The following MEOX2 variants were observed in gnomAD, a reference collection of about 807,000 sequenced individuals.
MEOX2 encodes the protein homeobox protein MOX-2.
In MEOX2, 11 loss-of-function variants were observed where a neutral mutation model predicts 27.0. The observed-to-expected ratio is 0.41, with a 90% CI of 0.26 to 0.68. MEOX2 has a LOEUF of 0.68. MEOX2 is among the 30% of genes least tolerant of loss of function. The pLI is 0.33. For synonymous variants in MEOX2, 189 were observed against 155.4 expected (o/e 1.22, Z -1.61); for missense variants, 436 against 385.4 (o/e 1.13, Z -1.10).
At chr7:15,634,684 A>C (rs1362113457) in intron 1 of MEOX2, among the ~76,000 whole-genome samples, 3 of 152,112 alleles carry the variant, frequency 2.0e-5, no homozygotes, top group Admixed American at 2.0e-4. Context: ...AGGAATGACC[A>C]ACATGATTCA....
chr7:15,671,886 A>G (rs141621189), intron 1 of MEOX2, among the ~76,000 whole-genome samples: 1 of 152,146 alleles, frequency 6.6e-6, no homozygotes, highest in African/African-American at 2.4e-5. Context: ...GTCTCTAATA[A>G]TTGTACATCT....
chr7:15,650,067 T>C (rs545883179), intron 1 of MEOX2, among the ~76,000 whole-genome samples: 2 of 152,066 alleles, frequency 1.3e-5, no homozygotes, highest in Non-Finnish European at 1.5e-5. Flanking sequence ...TAGAGGTGGA[T>C]CTCAGGAGAG....
intron 2 of MEOX2, among the ~76,000 whole-genome samples, chr7:15,622,484 A>G (rs1156893982): frequency 6.6e-6 from 1 of 152,184 alleles, no homozygotes; most frequent in African/African-American, 2.4e-5. Flanking sequence ...TAAGGAAAAT[A>G]TTGAACAATA....
At chr7:15,650,344 A>G (rs1781715866) in intron 1 of MEOX2, among the ~76,000 whole-genome samples, 1 of 152,088 alleles carries the variant, frequency 6.6e-6, no homozygotes, top group African/African-American at 2.4e-5. Flanking sequence ...ATGGCAAGCA[A>G]CACCTGCACC....
chr7:15,685,201 G>C (rs1274243990), intron 1 of MEOX2, among the ~76,000 whole-genome samples: 3 of 152,112 alleles, frequency 2.0e-5, no homozygotes, highest in Non-Finnish European at 4.4e-5. Flanking sequence ...ATTAAGGTTC[G>C]TCTTTCTTCC....
intron 2 of MEOX2, among the ~76,000 whole-genome samples, chr7:15,618,640 T>C (rs1246372428): frequency 6.6e-6 from 1 of 151,974 alleles, no homozygotes; most frequent in Non-Finnish European, 1.5e-5. Context: ...AGTAGAATAC[T>C]GAAATATTAC....
chr7:15,638,308 G>C (rs1781514062), intron 1 of MEOX2, among the ~76,000 whole-genome samples: 1 of 152,020 alleles, frequency 6.6e-6, no homozygotes, highest in Admixed American at 6.6e-5. Context: ...CTAGTTTAAA[G>C]CATAAATTAT....
chr7:15,637,185 C>T (rs369885822), intron 1 of MEOX2, among the ~76,000 whole-genome samples: 52 of 151,984 alleles, frequency 3.4e-4, no homozygotes, highest in Middle Eastern at 3.4e-3. Context: ...TGTCCTACAC[C>T]TATTTCTGAT....
chr7:15,674,714 A>G (rs1226106205), intron 1 of MEOX2, among the ~76,000 whole-genome samples: 1 of 152,134 alleles, frequency 6.6e-6, no homozygotes, highest in Non-Finnish European at 1.5e-5. Context: ...ATAGACAAGA[A>G]TGGTCAATGT....
chr7:15,653,163 A>G (rs924058336), intron 1 of MEOX2, among the ~76,000 whole-genome samples: 3 of 124,862 alleles, frequency 2.4e-5, no homozygotes, highest in African/African-American at 5.2e-5. Context: ...CCATTTTTCA[A>G]TTTTAGCTCG....
At chr7:15,647,068 C>G (rs1441444441) in intron 1 of MEOX2, among the ~76,000 whole-genome samples, 1 of 151,866 alleles carries the variant, frequency 6.6e-6, no homozygotes, top group Non-Finnish European at 1.5e-5. Context: ...TTGTTTGATG[C>G]TCATAAGACT....
At chr7:15,614,027 T>C (rs2115351799) in intron 2 of MEOX2, among the ~76,000 whole-genome samples, 1 of 147,946 alleles carries the variant, frequency 6.8e-6, no homozygotes, top group East Asian at 2.0e-4. Flanking sequence ...ACTCTTAATA[T>C]TAATTAATAT....
intron 2 of MEOX2, among the ~76,000 whole-genome samples, chr7:15,625,834 C>CA (rs1254297705): frequency 4.0e-5 from 6 of 151,202 alleles, no homozygotes; most frequent in Non-Finnish European, 1.5e-5. Flanking sequence ...ATTTGTCATT[C>CA]AAAAAAAATG....
chr7:15,663,290 T>C (rs1349968520), intron 1 of MEOX2, among the ~76,000 whole-genome samples: 4 of 152,076 alleles, frequency 2.6e-5, no homozygotes, highest in Non-Finnish European at 2.9e-5. Context: ...ACTCATCTTG[T>C]GGCCAACTGT....
intron 1 of MEOX2, among the ~76,000 whole-genome samples, chr7:15,645,287 C>T (rs1284631274): frequency 2.6e-5 from 4 of 152,100 alleles, no homozygotes; most frequent in South Asian, 2.1e-4. Context: ...CTAGGAGTAG[C>T]CATAAATAAG....
At chr7:15,651,566 A>G (rs1403585431) in intron 1 of MEOX2, among the ~76,000 whole-genome samples, 3 of 151,960 alleles carry the variant, frequency 2.0e-5, no homozygotes, top group Non-Finnish European at 4.4e-5. Context: ...TTATTTACAC[A>G]ATCCTTCATT....
chr7:15,671,778 T>C (rs780898142), intron 1 of MEOX2, among the ~76,000 whole-genome samples: 1 of 152,134 alleles, frequency 6.6e-6, no homozygotes, highest in Non-Finnish European at 1.5e-5. Flanking sequence ...CAATTTGGGC[T>C]GGGCATGATG....
At chr7:15,635,678 G>T (rs1344252703) in intron 1 of MEOX2, among the ~76,000 whole-genome samples, 3 of 151,822 alleles carry the variant, frequency 2.0e-5, no homozygotes, top group Non-Finnish European at 4.4e-5. Flanking sequence ...TTTTTAAAAT[G>T]TAGGAAAATT....
At chr7:15,654,498 A>T (rs1781789281) in intron 1 of MEOX2, among the ~76,000 whole-genome samples, 1 of 151,772 alleles carries the variant, frequency 6.6e-6, no homozygotes, top group Admixed American at 6.6e-5. Flanking sequence ...AGGGTAAAAC[A>T]TTCAGTCTTT....
Sources: gnomAD v4.1 joint callset for allele counts (sites outside exome capture counted in the v4.1 genomes callset) on GRCh38, gnomAD v4.1.1 for gene constraint, MANE v1.5 for transcripts, NCBI Gene and HGNC (gene_info 2026-07-23, HGNC 2026-07-21) for gene names.